NAV3: variants seen among roughly 807,000 people sequenced by gnomAD.
NAV3 encodes the protein neuron navigator 3, also known as pore membrane and/or filament interacting like protein 1.
NAV3 carries 87 observed loss-of-function variants against 244.7 expected under a neutral mutation model. The observed-to-expected ratio is 0.36, with a 90% CI of 0.30 to 0.42. NAV3 has a LOEUF of 0.42. Ranked by LOEUF, NAV3 falls within the 20% of genes least tolerant of loss-of-function variation. The pLI is 1.00. For missense variants in NAV3, 2,663 were observed against 2,893.3 expected, an observed-to-expected ratio of 0.92 and a Z score of 1.83; for synonymous variants, 1,126 against 1,042.2, an observed-to-expected ratio of 1.08 and a Z score of -1.55.
chr12:77,844,786 A>G (rs951114628), intron 1 of NAV3, among the ~76,000 whole-genome samples: 1 of 152,198 alleles, frequency 6.6e-6, no homozygotes, highest in Admixed American at 6.5e-5. Context: ...TATATGTTGC[A>G]TACAGCATTA....
At chr12:77,725,729 G>A (rs888791535) in intron 2 of NAV3, among the ~76,000 whole-genome samples, 6 of 151,830 alleles carry the variant, frequency 4.0e-5, no homozygotes, top group East Asian at 1.9e-4. Context: ...GATGGCTGGC[G>A]ACCACAAAAA....
At chr12:77,595,539 T>A (rs1233889256) in intron 2 of NAV3, among the ~76,000 whole-genome samples, 1 of 152,146 alleles carries the variant, frequency 6.6e-6, no homozygotes, top group Non-Finnish European at 1.5e-5. Flanking sequence ...GTTCTTCTCA[T>A]CACACATATA....
chr12:78,116,222 G>T (rs1443634238), intron 12 of NAV3, among the ~76,000 whole-genome samples: 1 of 152,128 alleles, frequency 6.6e-6, no homozygotes, highest in African/African-American at 2.4e-5. Flanking sequence ...AAATGTGAGG[G>T]ATGGCAGGAG....
intron 1 of NAV3, among the ~76,000 whole-genome samples, chr12:77,895,404 C>A (rs940207205): frequency 7.3e-5 from 11 of 151,504 alleles, no homozygotes; most frequent in Non-Finnish European, 1.3e-4. Flanking sequence ...GTAAAACTTG[C>A]TGGCCAGCCA....
chr12:77,779,163 A>G (rs1237430823), intron 2 of NAV3, among the ~76,000 whole-genome samples: 1 of 152,350 alleles, frequency 6.6e-6, no homozygotes, highest in Middle Eastern at 3.4e-3. Flanking sequence ...TTTGGGATAG[A>G]TATTATGAAA....
At chr12:78,145,572 G>A (rs897760204) in intron 20 of NAV3, among the ~76,000 whole-genome samples, 2 of 152,148 alleles carry the variant, frequency 1.3e-5, no homozygotes, top group Non-Finnish European at 2.9e-5. Flanking sequence ...CTTCCCAAAT[G>A]CAATGGTGCA....
At chr12:77,845,786 G>A (rs897370410) in intron 1 of NAV3, among the ~76,000 whole-genome samples, 7 of 151,392 alleles carry the variant, frequency 4.6e-5, no homozygotes, top group Non-Finnish European at 7.4e-5. Flanking sequence ...CCCAAGTAGC[G>A]GGGATTACAG....
intron 1 of NAV3, among the ~76,000 whole-genome samples, chr12:77,932,633 A>C (rs1010079414): frequency 1.3e-5 from 2 of 152,140 alleles, no homozygotes; most frequent in African/African-American, 4.8e-5. Context: ...ATCTGTCTTT[A>C]CTTTCTTGAC....
At chr12:77,656,196 T>C (rs1233859105) in intron 2 of NAV3, among the ~76,000 whole-genome samples, 1 of 144,230 alleles carries the variant, frequency 6.9e-6, no homozygotes, top group Non-Finnish European at 1.5e-5. Context: ...CATCAGTGTG[T>C]TGTATTCAGG....
chr12:78,208,875 A>G (rs1960606529), intron 39 of NAV3, among the ~76,000 whole-genome samples: 1 of 152,176 alleles, frequency 6.6e-6, no homozygotes, highest in African/African-American at 2.4e-5. Flanking sequence ...ATGCTTGAAC[A>G]TACAGGCAGC....
chr12:78,154,454 C>T (rs1002487849), intron 22 of NAV3, among the ~76,000 whole-genome samples: 4 of 149,292 alleles, frequency 2.7e-5, no homozygotes, highest in African/African-American at 9.8e-5. Flanking sequence ...AAAATGTAGA[C>T]GTTATGTATA....
intron 5 of NAV3, among the ~76,000 whole-genome samples, chr12:77,993,037 T>TTA (rs1032782374): frequency 6.6e-6 from 1 of 152,198 alleles, no homozygotes; most frequent in African/African-American, 2.4e-5. Flanking sequence ...TACAGTATCC[T>TTA]TATATAATAA....
chr12:78,009,474 GA>G (rs150674431), intron 8 of NAV3, among the ~76,000 whole-genome samples: 4,670 of 122,390 alleles, frequency 0.038, 106 homozygotes, highest in Admixed American at 0.057. Flanking sequence ...AAAAAAAAGA[GA>G]AAAAAAGGGC....
Position 77,845,235 on chromosome 12 carries a change from T to C in NAV3, c.243+13531T>C, listed in dbSNP as rs191429150. 1.6e-3 allele frequency among the ~76,000 whole-genome samples: 245 copies of C among 152,336 alleles called. 1 individual carries two copies. The highest frequency in any genetic ancestry group is 5.5e-3 in the African/African-American group (229 of 41,586). ...CTTCCCAAATTCAGGCAGTCTTGTT[T>C]TGAAGAAAAACAATCTTAGTAGTGA... On this transcript the variant is annotated intron_variant, in intron 1 of 39. Transcript: ENST00000397909.
intron 22 of NAV3, among the ~76,000 whole-genome samples, chr12:78,155,807 C>T (rs145262009): frequency 2.6e-5 from 4 of 151,796 alleles, no homozygotes; most frequent in East Asian, 3.9e-4. Context: ...CTATTCATAT[C>T]CTGTCTATTC....
chr12:77,652,906 T>A (rs1019616209), intron 2 of NAV3, among the ~76,000 whole-genome samples: 1 of 152,244 alleles, frequency 6.6e-6, no homozygotes, highest in African/African-American at 2.4e-5. Flanking sequence ...ATGTCTGTTT[T>A]TCTGTTATAA....
intron 2 of NAV3, among the ~76,000 whole-genome samples, chr12:77,772,320 TAAAC>T (rs991422348): frequency 5.3e-5 from 8 of 152,120 alleles, no homozygotes; most frequent in African/African-American, 9.7e-5. Context: ...TTATTTCAAA[TAAAC>T]AATAAAGGAA....
At chr12:77,938,792 A>G (rs908150049) in intron 1 of NAV3, among the ~76,000 whole-genome samples, 2 of 152,188 alleles carry the variant, frequency 1.3e-5, no homozygotes, top group Admixed American at 6.6e-5. Context: ...GGGGATTGAT[A>G]TATATAATGC....
chr12:78,026,820 T>G (rs1249201180), intron 9 of NAV3, among the ~76,000 whole-genome samples: 1 of 152,150 alleles, frequency 6.6e-6, no homozygotes, highest in Non-Finnish European at 1.5e-5. Flanking sequence ...AAAATGAAAT[T>G]AATATAATGG....
Sources: gnomAD v4.1 joint callset for allele counts (sites outside exome capture counted in the v4.1 genomes callset) on GRCh38, gnomAD v4.1.1 for gene constraint, MANE v1.5 for transcripts, NCBI Gene and HGNC (gene_info 2026-07-23, HGNC 2026-07-21) for gene names.